Variants in APCDD1L observed in about 807,000 individuals in gnomAD.
APCDD1L encodes the protein protein APCDD1-like.
A neutral mutation model predicts 24.2 loss-of-function variants in APCDD1L; 21 were observed. The observed-to-expected ratio is 0.87, with a 90% CI of 0.61 to 1.25. The LOEUF is 1.25. APCDD1L is among the 50% of genes most tolerant of loss of function. APCDD1L has a pLI of 0.00. For missense variants in APCDD1L, 704 were observed against 711.7 expected, an observed-to-expected ratio of 0.99 and a Z score of 0.12; for synonymous variants, 321 against 323.6, an observed-to-expected ratio of 0.99 and a Z score of 0.09.
Position 58,460,460 on chromosome 20 carries a change from G to T in APCDD1L, c.*330C>A. 1 of 220,118 alleles carries T rather than the reference G, an allele frequency of 4.5e-6. No homozygotes were observed. 13.6% of individuals were successfully genotyped at this position (220,118 alleles called of 1,614,324 possible). A position where few individuals can be genotyped will look rare whatever the true frequency, so the allele number is the denominator to read the frequency against. On this transcript the variant is annotated 3_prime_UTR_variant, in exon 4 of 4. Coordinates refer to ENST00000371149, the MANE Select transcript of APCDD1L (RefSeq NM_153360.3). The surrounding 1 kb of genome is among the most constrained non-coding windows in gnomAD (Gnocchi z 4.2). Reference sequence around the variant, plus strand: ...ACATGGGATGGGGGTGTTCCGTGTGGCCCCCTGACTGCACCTGTTGGCGAG... The same window carrying T: ...ACATGGGATGGGGGTGTTCCGTGTGTCCCCCTGACTGCACCTGTTGGCGAG...
chr20:58,461,165 G>A lies in APCDD1L; in HGVS notation c.1131C>T (p.Ser377=), dbSNP rs1462297483. The A allele has an allele frequency of 1.2e-6, 2 of 1,612,940 alleles. No individual in the cohort carries two copies. Among genetic ancestry groups the A allele is most frequent in the Non-Finnish European group, 1.7e-6 (2 of 1,179,406 alleles). ...TTAMLNFSEP[S]SCGGAGAWSM... ...ACCAGGCCCCCGCACCCCCACAGCTGCTTGGCTCAGAGAAGTTGAGCATGG... is the reference window on the plus strand; with the variant it reads ...ACCAGGCCCCCGCACCCCCACAGCTACTTGGCTCAGAGAAGTTGAGCATGG... The change falls in exon 4 of 4, where the codon AGC becomes AGT. Residue 377 remains serine (S), a synonymous_variant. Coordinates refer to ENST00000371149, the MANE Select transcript of APCDD1L (RefSeq NM_153360.3). This position sits in a 1 kb window ranked among gnomAD's most constrained non-coding sequence, Gnocchi z 6.0.
At chr20:58,495,258 G>A (rs1002295256) in intron 1 of APCDD1L, among the ~76,000 whole-genome samples, 2 of 152,170 alleles carry the variant, frequency 1.3e-5, no homozygotes, top group South Asian at 2.1e-4. Flanking sequence ...GAAAATACAC[G>A]GCCCCTTGTT....
intron 1 of APCDD1L, chr20:58,513,853 C>T: frequency 7.7e-7 from 1 of 1,295,988 alleles, no homozygotes; most frequent in Middle Eastern, 2.1e-4. Context: ...TTGATCTGGG[C>T]TTCCCAGCCA....
At chr20:58,485,916 T>C (rs531701701) in intron 1 of APCDD1L, among the ~76,000 whole-genome samples, 2 of 152,342 alleles carry the variant, frequency 1.3e-5, no homozygotes, top group South Asian at 4.1e-4. Context: ...GACTGTGGCA[T>C]GAGATTGGGC....
rs1446808624 is a variant in APCDD1L at position 58,471,790 on chromosome 20, G to A, written c.50-1043C>T. On this transcript the variant is annotated intron_variant, in intron 1 of 3. Transcript: ENST00000371149. ...TCCAAATACTCCAGCCACGGGCTGTGCTCAGGGGCGCTGGCCTGGCCCTGG... is the reference window on the plus strand; with the variant it reads ...TCCAAATACTCCAGCCACGGGCTGTACTCAGGGGCGCTGGCCTGGCCCTGG... 2.6e-5 allele frequency among the ~76,000 whole-genome samples: 4 copies of A among 152,248 alleles called. No individual in the cohort carries two copies. The South Asian group carries it at 8.3e-4, about 32-fold the overall frequency.
chr20:58,506,525 A>G (rs1417463217), intron 1 of APCDD1L, among the ~76,000 whole-genome samples: 2 of 152,188 alleles, frequency 1.3e-5, no homozygotes, highest in Admixed American at 1.3e-4. Flanking sequence ...CATGGGTTAA[A>G]CATCATTTTG....
intron 1 of APCDD1L, among the ~76,000 whole-genome samples, chr20:58,484,029 C>T (rs1990074026): frequency 6.6e-6 from 1 of 152,144 alleles, no homozygotes; most frequent in Non-Finnish European, 1.5e-5. Context: ...GCAGGATGCC[C>T]AGTTAAATCT....
intron 1 of APCDD1L, among the ~76,000 whole-genome samples, chr20:58,489,683 T>TG (rs1990187970): frequency 9.8e-6 from 1 of 102,146 alleles, no homozygotes; most frequent in Non-Finnish European, 2.0e-5. Context: ...AAACTTTGTG[T>TG]GGAAAAAAAA....
chr20:58,460,617 G>T lies in APCDD1L; in HGVS notation c.*173C>A. On this transcript the variant is annotated 3_prime_UTR_variant, in exon 4 of 4. Coordinates refer to ENST00000371149, the MANE Select transcript of APCDD1L (RefSeq NM_153360.3). The surrounding 1 kb of genome is among the most constrained non-coding windows in gnomAD (Gnocchi z 4.2). ...GGGATGTGGTATAGGCTTTGCAGGG[G>T]TTAAGCTCATGTCCTGAGCCACATG... The T allele has an allele frequency of 7.3e-6, 6 of 824,514 alleles. No homozygotes were observed. The highest frequency in any genetic ancestry group is 1.0e-5 in the Non-Finnish European group (6 of 577,342). The allele number at this position is 824,514 out of a possible 1,614,324, so 51.1% of individuals were successfully genotyped here.
intron 1 of APCDD1L, among the ~76,000 whole-genome samples, chr20:58,495,921 C>T (rs904707143): frequency 9.8e-5 from 15 of 152,324 alleles, no homozygotes; most frequent in Admixed American, 7.8e-4. Context: ...CCCCGGGTCC[C>T]CCTCTCCAGG....
intron 1 of APCDD1L, among the ~76,000 whole-genome samples, chr20:58,495,015 C>G (rs1365507080): frequency 6.6e-6 from 1 of 152,194 alleles, no homozygotes; most frequent in African/African-American, 2.4e-5. Context: ...GCCTGCTGCC[C>G]CCTGCACTCC....
chr20:58,514,090 G>T, intron 1 of APCDD1L: 2 of 560,706 alleles, frequency 3.6e-6, no homozygotes, highest in Non-Finnish European at 5.4e-6. Flanking sequence ...CCTGGAGAAG[G>T]CATTGACTAC....
chr20:58,502,680 T>G (rs1027530150), intron 1 of APCDD1L, among the ~76,000 whole-genome samples: 4 of 151,682 alleles, frequency 2.6e-5, no homozygotes, highest in Non-Finnish European at 5.9e-5. Context: ...TAAATTAGAA[T>G]TTGAAGTAGA....
rs1463560631 is a variant in APCDD1L at position 58,514,772 on chromosome 20, C to T, written c.-65G>A. ...CGGTGCGCAAGGGGAGGCGCGGGCG[C>T]AGGGCTCTCGGACGGCTGCGGGCGC... On this transcript the variant is annotated 5_prime_UTR_variant, in exon 1 of 4. Transcript: ENST00000371149. 1.6e-6 allele frequency: 2 copies of T among 1,232,106 alleles called. No homozygotes were observed. Among genetic ancestry groups the T allele is most frequent in the African/African-American group, 3.1e-5 (2 of 64,580 alleles). The allele number at this position is 1,232,106 out of a possible 1,614,324, so 76.3% of individuals were successfully genotyped here.
At chr20:58,505,366 A>G (rs915250297) in intron 1 of APCDD1L, among the ~76,000 whole-genome samples, 3 of 152,232 alleles carry the variant, frequency 2.0e-5, no homozygotes, top group Non-Finnish European at 4.4e-5. Flanking sequence ...TGCCTGGCTC[A>G]TTGTGTTTCT....
chr20:58,511,920 GA>G (rs1568756768), intron 1 of APCDD1L, among the ~76,000 whole-genome samples: 1 of 151,860 alleles, frequency 6.6e-6, no homozygotes, highest in Non-Finnish European at 1.5e-5. Flanking sequence ...ATACAAGTTC[GA>G]AAAAAAAGCA....
chr20:58,508,924 A>G lies in APCDD1L; in HGVS notation c.49+5735T>C, dbSNP rs910380832. ...ACTGTGTGCACATGCGTGAGTGTGC[A>G]TGAGTGTGCGTGAGTGTGTGTGAGT... On this transcript the variant is annotated intron_variant, in intron 1 of 3. Coordinates refer to ENST00000371149, the MANE Select transcript of APCDD1L (RefSeq NM_153360.3). This position sits in a 1 kb window ranked among gnomAD's most constrained non-coding sequence, Gnocchi z 4.0. Among the ~76,000 whole-genome samples, 7 of 151,768 alleles carry G rather than the reference A, an allele frequency of 4.6e-5. No individual in the cohort carries two copies. Among genetic ancestry groups the G allele is most frequent in the Non-Finnish European group, 1.0e-4 (7 of 67,912 alleles).
At chr20:58,464,449 C>T (rs1051371010) in intron 3 of APCDD1L, among the ~76,000 whole-genome samples, 8 of 152,190 alleles carry the variant, frequency 5.3e-5, no homozygotes, top group African/African-American at 1.4e-4. Flanking sequence ...GGAAATCTTT[C>T]GGGCATCTTT....
chr20:58,484,537 C>A (rs1018548149), intron 1 of APCDD1L, among the ~76,000 whole-genome samples: 1 of 152,068 alleles, frequency 6.6e-6, no homozygotes, highest in Non-Finnish European at 1.5e-5. Context: ...AAAATGGGGT[C>A]ATCCTATACC....
Sources: allele counts gnomAD v4.1 joint callset (sites outside exome capture counted in the v4.1 genomes callset), GRCh38; gene constraint gnomAD v4.1.1; non-coding constraint Gnocchi (gnomAD v3.1); transcripts MANE v1.5; gene names NCBI Gene and HGNC (gene_info 2026-07-23, HGNC 2026-07-21).